Variants in SUPT3H observed in about 807,000 individuals in gnomAD.
SUPT3H encodes the protein transcription initiation protein SPT3 homolog.
Under a neutral mutation model 44.3 loss-of-function variants are expected in SUPT3H, and 44 were observed. The ratio of observed to expected loss-of-function variants is 0.99; its 90% CI spans 0.78 to 1.28. The LOEUF (loss-of-function observed/expected upper bound fraction) is 1.28. Ranked by LOEUF, SUPT3H falls within the 50% of genes most tolerant of loss-of-function variation. The probability of loss-of-function intolerance (pLI) is 0.00; values close to 1 mark genes in which losing one functional copy is unlikely to be tolerated. For missense variants in SUPT3H, 380 were observed against 387.1 expected (o/e 0.98, Z 0.15); for synonymous variants, 124 against 125.6 (o/e 0.99, Z 0.09).
intron 2 of SUPT3H, among the ~76,000 whole-genome samples, chr6:45,127,826 A>G (rs1223724965): frequency 6.6e-6 from 1 of 152,202 alleles, no homozygotes; most frequent in Non-Finnish European, 1.5e-5. Flanking sequence ...CTGTTCTAAC[A>G]TAAGCATTTA....
chr6:45,133,961 A>C (rs987493097), intron 2 of SUPT3H, among the ~76,000 whole-genome samples: 5 of 152,144 alleles, frequency 3.3e-5, no homozygotes, highest in Admixed American at 6.5e-5. Context: ...ACAAACCCCC[A>C]ATGTGATGTT....
intron 2 of SUPT3H, among the ~76,000 whole-genome samples, chr6:45,290,469 A>AAAG (rs1463934564): frequency 1.5e-4 from 22 of 151,498 alleles, no homozygotes. Flanking sequence ...AAAAAAAAAA[A>AAAG]AAAAGCAGAG....
chr6:45,220,760 A>G (rs951026874), intron 2 of SUPT3H, among the ~76,000 whole-genome samples: 1 of 152,220 alleles, frequency 6.6e-6, no homozygotes, highest in Non-Finnish European at 1.5e-5. Flanking sequence ...TTCAGGACAC[A>G]GGCATGGGCA....
chr6:44,823,077 G>A (rs545493666), downstream of SUPT3H, among the ~76,000 whole-genome samples: 2 of 146,860 alleles, frequency 1.4e-5, no homozygotes, highest in African/African-American at 5.1e-5. Context: ...ACTTCAGCCT[G>A]GGCAATAGAA....
At chr6:45,177,892 C>T (rs1812286038) in intron 2 of SUPT3H, among the ~76,000 whole-genome samples, 1 of 151,972 alleles carries the variant, frequency 6.6e-6, no homozygotes, top group Non-Finnish European at 1.5e-5. Flanking sequence ...CACCACCAGG[C>T]CTGCCCTAAA....
chr6:44,882,448 C>T (rs755065441), intron 10 of SUPT3H, among the ~76,000 whole-genome samples: 3 of 152,146 alleles, frequency 2.0e-5, no homozygotes, highest in Non-Finnish European at 4.4e-5. Flanking sequence ...CCGAATTCTA[C>T]CAGAGGTACA....
intron 10 of SUPT3H, among the ~76,000 whole-genome samples, chr6:44,853,060 G>A (rs986926707): frequency 1.2e-4 from 18 of 152,192 alleles, no homozygotes; most frequent in African/African-American, 3.9e-4. Context: ...AGATTAAAGA[G>A]AAATAAGCTT....
At chr6:45,333,771 T>C (rs950142682) in intron 2 of SUPT3H, among the ~76,000 whole-genome samples, 8 of 151,138 alleles carry the variant, frequency 5.3e-5, no homozygotes, top group Admixed American at 6.6e-5. Flanking sequence ...GAGAAAAAAA[T>C]TGTTATTCAT....
chr6:45,076,998 C>T (rs1795085325), intron 3 of SUPT3H, among the ~76,000 whole-genome samples: 1 of 151,988 alleles, frequency 6.6e-6, no homozygotes, highest in African/African-American at 2.4e-5. Flanking sequence ...CTATGTTCCC[C>T]TCAAAATGTT....
intron 10 of SUPT3H, among the ~76,000 whole-genome samples, chr6:44,889,122 C>G (rs1172153330): frequency 6.6e-6 from 1 of 151,730 alleles, no homozygotes; most frequent in Non-Finnish European, 1.5e-5. Context: ...AAAGAGGATA[C>G]AAACAAATGG....
intron 4 of SUPT3H, among the ~76,000 whole-genome samples, chr6:45,019,619 A>C (rs1471995409): frequency 6.6e-6 from 1 of 151,982 alleles, no homozygotes; most frequent in Non-Finnish European, 1.5e-5. Flanking sequence ...TTAATAGCTG[A>C]AACATACTGC....
At chr6:44,904,590 C>T (rs1164870832) in intron 10 of SUPT3H, among the ~76,000 whole-genome samples, 1 of 152,186 alleles carries the variant, frequency 6.6e-6, no homozygotes, top group Non-Finnish European at 1.5e-5. Flanking sequence ...AATGGCCATA[C>T]TGCCCAAGGT....
intron 2 of SUPT3H, among the ~76,000 whole-genome samples, chr6:45,216,397 A>T (rs1304475071): frequency 6.6e-6 from 1 of 152,182 alleles, no homozygotes; most frequent in Non-Finnish European, 1.5e-5. Flanking sequence ...AAGTATATAT[A>T]AAACAACCAG....
intron 3 of SUPT3H, among the ~76,000 whole-genome samples, chr6:45,062,204 G>C (rs552155609): frequency 3.0e-4 from 45 of 152,034 alleles, no homozygotes; most frequent in African/African-American, 1.0e-3. Flanking sequence ...TTGTAATACT[G>C]TTGGGAAAAG....
At position 45,321,932 on chromosome 6, in the gene SUPT3H, A is replaced by G. The variant is rs201110107; in HGVS notation, c.101+43269T>C. ...TAATCTCACCTTAGATGGTTAAAAC[A>G]TATTATAAATAAATACCTAAGAAAT... On this transcript the variant is annotated intron_variant, in intron 2 of 10. Coordinates refer to ENST00000371459, the MANE Select transcript of SUPT3H (RefSeq NM_003599.4). 3.9e-4 allele frequency: 428 copies of G among 1,106,046 alleles called. 1 individual carries two copies. The African/African-American group carries it at 6.2e-3, about 16-fold the overall frequency. The allele number at this position is 1,106,046 out of a possible 1,614,324, so 68.5% of individuals were successfully genotyped here.
intron 10 of SUPT3H, among the ~76,000 whole-genome samples, chr6:44,841,460 G>A (rs1401408246): frequency 6.6e-6 from 1 of 152,100 alleles, no homozygotes; most frequent in Non-Finnish European, 1.5e-5. Context: ...AGTGTTGGGA[G>A]GTGTTTAAAG....
At chr6:44,970,108 T>C (rs907571300) in intron 6 of SUPT3H, among the ~76,000 whole-genome samples, 5 of 152,156 alleles carry the variant, frequency 3.3e-5, no homozygotes, top group African/African-American at 1.2e-4. Context: ...TATTAATTAA[T>C]GTCATCATAG....
intron 2 of SUPT3H, among the ~76,000 whole-genome samples, chr6:45,243,714 C>T (rs1584463262): frequency 1.3e-5 from 2 of 152,028 alleles, no homozygotes; most frequent in East Asian, 1.9e-4. Flanking sequence ...ATCTGAATAG[C>T]CCTATATGTA....
intron 3 of SUPT3H, among the ~76,000 whole-genome samples, chr6:45,056,155 GGCCATAATCAAAAA>G (rs1791084081): frequency 6.6e-6 from 1 of 152,022 alleles, no homozygotes; most frequent in Admixed American, 6.6e-5. Context: ...CTTCTAGAAT[GGCCATAATCAAAAA>G]ATCAAAAAGT....
Sources: gnomAD v4.1 joint callset for allele counts (sites outside exome capture counted in the v4.1 genomes callset) on GRCh38, gnomAD v4.1.1 for gene constraint, MANE v1.5 for transcripts, NCBI Gene and HGNC (gene_info 2026-07-23, HGNC 2026-07-21) for gene names.